The following SLC24A4 variants were observed in gnomAD, a reference collection of about 807,000 sequenced individuals.
SLC24A4 encodes solute carrier family 24 member 4, also known as sodium/potassium/calcium exchanger 4.
SLC24A4 carries 53 observed loss-of-function variants against 79.0 expected under a neutral mutation model. That is an observed-to-expected ratio of 0.67 (90% CI 0.54 to 0.84). The LOEUF (loss-of-function observed/expected upper bound fraction) is 0.84, where lower values mean the gene tolerates loss of function less well. SLC24A4 is among the 40% of genes least tolerant of loss of function. SLC24A4 has a pLI of 0.00. For missense variants in SLC24A4, 731 were observed against 822.0 expected (o/e 0.89, Z 1.35); for synonymous variants, 323 against 323.8 (o/e 1.00, Z 0.03).
At chr14:92,438,465 A>G (rs909278566) in intron 3 of SLC24A4, among the ~76,000 whole-genome samples, 1 of 151,984 alleles carries the variant, frequency 6.6e-6, no homozygotes, top group Non-Finnish European at 1.5e-5. Flanking sequence ...ATAATAATAA[A>G]CAGAATTAGC....
chr14:92,345,413 C>G (rs1201442949), intron 2 of SLC24A4, among the ~76,000 whole-genome samples: 1 of 152,178 alleles, frequency 6.6e-6, no homozygotes, highest in African/African-American at 2.4e-5. Flanking sequence ...AAGCATAGCA[C>G]TTACAGGCCA....
intron 2 of SLC24A4, among the ~76,000 whole-genome samples, chr14:92,392,047 C>A (rs751066414): frequency 6.6e-6 from 1 of 152,166 alleles, no homozygotes; most frequent in Admixed American, 6.5e-5. Context: ...TCACCACCAG[C>A]CCTGGTTGCT....
chr14:92,464,653 T>C (rs1894001385), intron 12 of SLC24A4, among the ~76,000 whole-genome samples: 1 of 152,158 alleles, frequency 6.6e-6, no homozygotes, highest in African/African-American at 2.4e-5. Context: ...GCTTTTCAAA[T>C]CAGAGACCTA....
At chr14:92,329,026 A>C (rs1251114959) in intron 2 of SLC24A4, among the ~76,000 whole-genome samples, 1 of 152,270 alleles carries the variant, frequency 6.6e-6, no homozygotes, top group Non-Finnish European at 1.5e-5. Flanking sequence ...AGACGCTGCC[A>C]TCTGATGGCT....
At chr14:92,381,658 T>C (rs1401892356) in intron 2 of SLC24A4, among the ~76,000 whole-genome samples, 2 of 152,190 alleles carry the variant, frequency 1.3e-5, no homozygotes, top group South Asian at 2.1e-4. Flanking sequence ...CTTTGCACAG[T>C]AGTTTTAAGT....
chr14:92,360,579 G>C (rs1357280343), intron 2 of SLC24A4, among the ~76,000 whole-genome samples: 1 of 152,194 alleles, frequency 6.6e-6, no homozygotes, highest in African/African-American at 2.4e-5. Context: ...CAAACATCCT[G>C]TGTACATGTT....
rs1328281780 is a variant in SLC24A4 at position 92,495,772 on chromosome 14, C to CT, written c.*2145dup. ...AGTCCATCACCCCTCCCAGGCCAGC[C>CT]TCTGTAAGTTGGCCACACTTGGGGA... On this transcript the variant is annotated 3_prime_UTR_variant, in exon 17 of 17. Coordinates refer to ENST00000532405, the MANE Select transcript of SLC24A4 (RefSeq NM_153646.4). 1 of 152,282 alleles carries CT rather than the reference C, an allele frequency of 6.6e-6. No homozygotes were observed. The highest frequency in any genetic ancestry group is 1.9e-4 in the East Asian group (1 of 5,202). 9.4% of individuals were successfully genotyped at this position (152,282 alleles called of 1,614,324 possible).
intron 2 of SLC24A4, among the ~76,000 whole-genome samples, chr14:92,378,960 G>A (rs1164171661): frequency 1.3e-5 from 2 of 152,138 alleles, no homozygotes; most frequent in Non-Finnish European, 2.9e-5. Context: ...TACTTGGGAG[G>A]CTGAGATGGG....
chr14:92,428,785 G>C (rs138164575), intron 2 of SLC24A4, among the ~76,000 whole-genome samples: 1 of 152,370 alleles, frequency 6.6e-6, no homozygotes, highest in East Asian at 1.9e-4. Flanking sequence ...CTTGGGGGGA[G>C]GGGACCCCCT....
chr14:92,390,122 C>T (rs912293889), intron 2 of SLC24A4, among the ~76,000 whole-genome samples: 1 of 134,492 alleles, frequency 7.4e-6, no homozygotes, highest in Admixed American at 8.0e-5. Flanking sequence ...GGCCCGGCTT[C>T]CCAGTCCGGG....
At chr14:92,419,491 T>G (rs1006019417) in intron 2 of SLC24A4, among the ~76,000 whole-genome samples, 4 of 152,206 alleles carry the variant, frequency 2.6e-5, no homozygotes, top group African/African-American at 7.2e-5. Context: ...GATGGAAGTC[T>G]CTCCTGGAAT....
rs1892016803 is a variant in SLC24A4, at chr14:92,433,903, G to A, written c.242-9G>A. The A allele has an allele frequency of 1.9e-6, 3 of 1,613,516 alleles. No individual in the cohort carries two copies. The African/African-American group carries it at 4.0e-5, about 22-fold the overall frequency. ...AACTAACACTCTGCCATCTCTTCCTGTCTTCCAGCGATTCACGAGTTCCCC... is the reference window on the plus strand; with the variant it reads ...AACTAACACTCTGCCATCTCTTCCTATCTTCCAGCGATTCACGAGTTCCCC... On this transcript the variant is annotated splice_polypyrimidine_tract_variant and intron_variant, in intron 2 of 16. Transcript: ENST00000532405.
chr14:92,429,486 G>GT (rs1362920297), intron 2 of SLC24A4, among the ~76,000 whole-genome samples: 7 of 152,242 alleles, frequency 4.6e-5, no homozygotes, highest in African/African-American at 1.4e-4. Flanking sequence ...ATCAAGGAAT[G>GT]TAAGTGACAG....
intron 2 of SLC24A4, among the ~76,000 whole-genome samples, chr14:92,378,514 G>A (rs914405760): frequency 2.6e-4 from 40 of 151,986 alleles, no homozygotes; most frequent in African/African-American, 9.2e-4. Flanking sequence ...TGTGTTTTGG[G>A]GCTGCTTAAC....
chr14:92,421,312 C>T (rs1891266607), intron 2 of SLC24A4, among the ~76,000 whole-genome samples: 1 of 152,138 alleles, frequency 6.6e-6, no homozygotes, highest in Non-Finnish European at 1.5e-5. Context: ...AGTGTAACTA[C>T]CACTCCAATC....
At chr14:92,465,594 T>TGACA (rs1452237273) in intron 12 of SLC24A4, among the ~76,000 whole-genome samples, 1 of 152,158 alleles carries the variant, frequency 6.6e-6, no homozygotes, top group Non-Finnish European at 1.5e-5. Flanking sequence ...GCTTCTCCCT[T>TGACA]GACTGACAGA....
At chr14:92,324,065 T>A in intron 1 of SLC24A4, 105 bp downstream of exon 1, 1 of 1,446,904 alleles carries the variant, frequency 6.9e-7, no homozygotes, top group Non-Finnish European at 9.2e-7. Context: ...ATCAGGTTGG[T>A]CCCAAGGGTT....
intron 12 of SLC24A4, among the ~76,000 whole-genome samples, chr14:92,458,018 C>G (rs1893582060): frequency 6.6e-6 from 1 of 152,204 alleles, no homozygotes; most frequent in Non-Finnish European, 1.5e-5. Context: ...GATCACGGAG[C>G]TTCCCTGGAG....
chr14:92,420,641 A>G (rs1023717959), intron 2 of SLC24A4, among the ~76,000 whole-genome samples: 1 of 152,178 alleles, frequency 6.6e-6, no homozygotes, highest in Admixed American at 6.5e-5. Context: ...CATTCTCACA[A>G]TGTCAAGGTG....
Sources: gnomAD v4.1 joint callset for allele counts (sites outside exome capture counted in the v4.1 genomes callset) on GRCh38, gnomAD v4.1.1 for gene constraint, MANE v1.5 for transcripts, NCBI Gene and HGNC (gene_info 2026-07-23, HGNC 2026-07-21) for gene names.